The following PDCD2 variants were observed in gnomAD, a reference collection of about 807,000 sequenced individuals.
The protein encoded by PDCD2 is programmed cell death 2, also known as uS5 assembly chaperone PDCD2.
In PDCD2, 38 loss-of-function variants were observed where a neutral mutation model predicts 38.1. That is an observed-to-expected ratio of 1.00 (90% CI 0.77 to 1.31). The LOEUF (loss-of-function observed/expected upper bound fraction) is 1.31, where lower values mean the gene tolerates loss of function less well. Ranked by LOEUF, PDCD2 falls within the 50% of genes most tolerant of loss-of-function variation. PDCD2 has a pLI of 0.00. For missense variants in PDCD2, 473 were observed against 435.7 expected, an observed-to-expected ratio of 1.09 and a Z score of -0.76; for synonymous variants, 205 against 168.9, an observed-to-expected ratio of 1.21 and a Z score of -1.66.
rs548246169 is a variant in PDCD2 at position 170,575,540 on chromosome 6, T to C, written c.*2019A>G. On this transcript the variant is annotated 3_prime_UTR_variant, in exon 6 of 6. Transcript: ENST00000541970. The stretch of plus-strand genomic sequence containing the variant: ...TTATGTAGGTGAGACTTGCTCATTA[T>C]CTTGTAGTGTTTTAAAATGTCTTCA... The C allele has an allele frequency of 7.2e-5, 11 of 152,344 alleles. No individual in the cohort carries two copies. The highest frequency in any genetic ancestry group is 2.2e-4 in the African/African-American group (9 of 41,584). 9.4% of individuals were successfully genotyped at this position (152,344 alleles called of 1,614,324 possible).
chr6:170,583,057 C>T lies in PDCD2; in HGVS notation c.658G>A (p.Gly220Ser), dbSNP rs946628632. 6.2e-7 allele frequency: 1 copy of T among 1,611,594 alleles called. No homozygotes were observed. The highest frequency in any genetic ancestry group is 1.7e-5 in the Admixed American group (1 of 59,698). The change falls in exon 3 of 6, where the codon GGT (glycine) becomes AGT (serine). Residue 220 changes from glycine to serine, a missense_variant and splice_region_variant. Transcript: ENST00000541970. ...TGAATGAAGTCCTGAAACTGCTTAC[C>T]CATGCTCCCTATAATCTCTGAGTAA... Reference protein sequence around the residue: ...EDYSEIIGSMGEALEEELDSM... With the variant: ...EDYSEIIGSMSEALEEELDSM...
chr6:170,579,784 C>A, intron 4 of PDCD2: 1 of 435,896 alleles, frequency 2.3e-6, no homozygotes, highest in Non-Finnish European at 4.1e-6. Flanking sequence ...ACAGTATAAC[C>A]TTTAGTCTTT....
rs901575261 is a variant in PDCD2 at position 170,583,717 on chromosome 6, T to G, written c.314A>C (p.Asp105Ala). Residue 105 changes from aspartate to alanine, a missense_variant, in exon 2 of 6, where the codon GAT becomes GCT. Coordinates refer to ENST00000541970, the MANE Select transcript of PDCD2 (RefSeq NM_002598.4). Reference protein sequence around the residue: ...VFRNQLPRKNDFYSYEPPSEN... With the variant: ...VFRNQLPRKNAFYSYEPPSEN... ...AGAAGGTGGCTCATATGAGTAAAAATCGTTTTTCCTGGGTAGTTGATTCCT... is the reference window on the plus strand; with the variant it reads ...AGAAGGTGGCTCATATGAGTAAAAAGCGTTTTTCCTGGGTAGTTGATTCCT... 17 of 1,613,108 alleles carry G rather than the reference T, an allele frequency of 1.1e-5. No individual in the cohort carries two copies. Among genetic ancestry groups the G allele is most frequent in the Non-Finnish European group, 1.4e-5 (17 of 1,179,328 alleles).
intron 3 of PDCD2, chr6:170,582,775 C>T (rs12214447): frequency 0.04 from 50,886 of 1,276,662 alleles, 1,177 homozygotes; most frequent in Middle Eastern, 0.083. Flanking sequence ...AACCGATCTG[C>T]GACCCAGAGG....
At chr6:170,579,769 G>C in intron 4 of PDCD2, 1 of 348,128 alleles carries the variant, frequency 2.9e-6, no homozygotes, top group Non-Finnish European at 5.2e-6. Context: ...AACCCTGTAT[G>C]ATAAACAGTA....
At chr6:170,578,283 C>A (rs780223931) in intron 5 of PDCD2, among the ~76,000 whole-genome samples, 1 of 152,092 alleles carries the variant, frequency 6.6e-6, no homozygotes, top group Non-Finnish European at 1.5e-5. Context: ...TCCTTTTTTA[C>A]CCAAAGAAAC....
intron 3 of PDCD2, 80 bp downstream of exon 3, chr6:170,582,977 C>G: frequency 6.5e-7 from 1 of 1,536,908 alleles, no homozygotes; most frequent in Non-Finnish European, 8.7e-7. Context: ...CTCTCAGTAC[C>G]TCTCTTCTAG....
In PDCD2 at chr6:170,576,190, A is replaced by G. The variant is rs1007159035; in HGVS notation, c.*1369T>C. ...ATAACCTCCCCATGGGAGAAACTCC[A>G]TACTGCAGTTTCCCATATGGTGCTA... On this transcript the variant is annotated 3_prime_UTR_variant, in exon 6 of 6. Coordinates refer to ENST00000541970, the MANE Select transcript of PDCD2 (RefSeq NM_002598.4). 3.3e-5 allele frequency: 5 copies of G among 152,214 alleles called. No homozygotes were observed. Among genetic ancestry groups the G allele is most frequent in the African/African-American group, 7.2e-5 (3 of 41,468 alleles). The allele number at this position is 152,214 out of a possible 1,614,324, so 9.4% of individuals were successfully genotyped here. A position where few individuals can be genotyped will look rare whatever the true frequency, so the allele number is the denominator to read the frequency against.
chr6:170,579,170 T>A (rs1779526536), intron 4 of PDCD2, 200 bp from the exon 5 acceptor site: 2 of 538,432 alleles, frequency 3.7e-6, no homozygotes, highest in Non-Finnish European at 3.2e-6. Context: ...ATTATTTCAG[T>A]TTATCTGACT....
rs764496596 is a variant in PDCD2, at chr6:170,578,838, T to C, written c.876+19A>G. On this transcript the variant is annotated intron_variant, in intron 5 of 5. Coordinates refer to ENST00000541970, the MANE Select transcript of PDCD2 (RefSeq NM_002598.4). Reference sequence around the variant, plus strand: ...ATCATGGTGATTACACACTAAATGGTCCTTATTTAAGGTCATACCTGGAAT... The same window carrying C: ...ATCATGGTGATTACACACTAAATGGCCCTTATTTAAGGTCATACCTGGAAT... The C allele has an allele frequency of 5.1e-6, 7 of 1,383,958 alleles. No homozygotes were observed. The South Asian group carries it at 5.8e-5, about 11-fold the overall frequency. 85.7% of individuals were successfully genotyped at this position (1,383,958 alleles called of 1,614,324 possible). A position where few individuals can be genotyped will look rare whatever the true frequency, so the allele number is the denominator to read the frequency against.
intron 3 of PDCD2, chr6:170,581,844 C>A: frequency 3.6e-6 from 1 of 279,400 alleles, no homozygotes; most frequent in South Asian, 3.5e-5. Context: ...GTTTTGAAGT[C>A]ACCTGGAAGA....
At chr6:170,582,153 G>GT (rs1326969966) in intron 3 of PDCD2, 9 of 1,531,328 alleles carry the variant, frequency 5.9e-6, no homozygotes, top group Non-Finnish European at 7.9e-6. Context: ...CATGGCACCT[G>GT]TATTGTACTC....
intron 1 of PDCD2, chr6:170,584,093 G>A (rs1779724016): frequency 2.0e-6 from 1 of 508,950 alleles, no homozygotes; most frequent in Non-Finnish European, 3.3e-6. Flanking sequence ...TTACCAATGC[G>A]CGTGGGCACA....
intron 3 of PDCD2, 136 bp from the exon 4 acceptor site, chr6:170,580,241 T>C (rs770516625): frequency 2.3e-5 from 14 of 617,018 alleles, no homozygotes; most frequent in Non-Finnish European, 4.0e-5. Flanking sequence ...ACCATCTGAA[T>C]TTCCAGGTAC....
chr6:170,581,850 G>A, intron 3 of PDCD2: 1 of 284,526 alleles, frequency 3.5e-6, no homozygotes, highest in South Asian at 3.3e-5. Flanking sequence ...AAGTCACCTG[G>A]AAGAGTTCTT....
chr6:170,583,779 TCAAA>T (rs1779705147), intron 1 of PDCD2, 32 bp from the exon 2 acceptor site: 2 of 1,538,154 alleles, frequency 1.3e-6, no homozygotes, highest in African/African-American at 2.8e-5. Context: ...AGTTTTATCT[TCAAA>T]CAAAACAGCA....
At chr6:170,578,501 C>T in intron 5 of PDCD2, 2 of 647,710 alleles carry the variant, frequency 3.1e-6, no homozygotes, top group Non-Finnish European at 5.5e-6. Flanking sequence ...TAGTCAAAGA[C>T]TTTAATTACT....
chr6:170,580,548 C>G (rs1162660075), intron 3 of PDCD2, among the ~76,000 whole-genome samples: 1 of 152,096 alleles, frequency 6.6e-6, no homozygotes, highest in East Asian at 1.9e-4. Context: ...AATCCCGTAT[C>G]TACTAAAAAT....
Position 170,583,749 on chromosome 6 carries a change from TA to T in PDCD2, c.284-3del. The T allele has an allele frequency of 6.2e-7, 1 of 1,600,988 alleles. No homozygotes were observed. The highest frequency in any genetic ancestry group is 8.5e-7 in the Non-Finnish European group (1 of 1,170,968). Reference sequence around the variant, plus strand: ...TCCTGGGTAGTTGATTCCTAAAAACTAAAAAAGAATACAGAGAAAAGTTTTA... The same window carrying T: ...TCCTGGGTAGTTGATTCCTAAAAACTAAAAAGAATACAGAGAAAAGTTTTA... On this transcript the variant is annotated splice_polypyrimidine_tract_variant and splice_region_variant and intron_variant, in intron 1 of 5. Transcript: ENST00000541970.
Sources: allele counts gnomAD v4.1 joint callset (sites outside exome capture counted in the v4.1 genomes callset), GRCh38; gene constraint gnomAD v4.1.1; transcripts MANE v1.5; gene names NCBI Gene and HGNC (gene_info 2026-07-23, HGNC 2026-07-21).